The following ANTXR1 variants were observed in gnomAD, a reference collection of about 807,000 sequenced individuals.
The protein encoded by ANTXR1 is anthrax toxin receptor 1.
ANTXR1 carries 19 observed loss-of-function variants against 78.1 expected under a neutral mutation model. The observed-to-expected ratio is 0.24, with a 90% confidence interval of 0.17 to 0.36. The LOEUF is 0.36. ANTXR1 is among the 10% of genes least tolerant of loss of function. The pLI, the probability that ANTXR1 is intolerant of heterozygous loss-of-function variation, is 1.00. For missense variants in ANTXR1, 518 were observed against 718.6 expected, an observed-to-expected ratio of 0.72 and a Z score of 3.19; for synonymous variants, 273 against 260.5, an observed-to-expected ratio of 1.05 and a Z score of -0.46.
intron 17 of ANTXR1, among the ~76,000 whole-genome samples, chr2:69,240,057 T>C (rs965946811): frequency 2.0e-5 from 3 of 152,250 alleles, no homozygotes; most frequent in African/African-American, 4.8e-5. Context: ...ACCTAGGAGA[T>C]GTCCAAGGAG....
At chr2:69,029,061 AC>A (rs1408765026) in intron 1 of ANTXR1, among the ~76,000 whole-genome samples, 1 of 142,182 alleles carries the variant, frequency 7.0e-6, no homozygotes, top group African/African-American at 2.5e-5. Flanking sequence ...CTCCATCTCT[AC>A]TAAAAATACA....
intron 1 of ANTXR1, among the ~76,000 whole-genome samples, chr2:69,023,379 T>C (rs77105585): frequency 0.15 from 22,167 of 151,754 alleles, 4,689 homozygotes; most frequent in African/African-American, 0.47. Context: ...GTGATGAAGA[T>C]GATGATGGTG....
At chr2:69,146,780 A>G (rs555950083) in intron 12 of ANTXR1, among the ~76,000 whole-genome samples, 1 of 152,338 alleles carries the variant, frequency 6.6e-6, no homozygotes, top group African/African-American at 2.4e-5. Flanking sequence ...CTGGGCAGGC[A>G]CAACTCCGCG....
intron 10 of ANTXR1, among the ~76,000 whole-genome samples, chr2:69,118,026 T>C (rs1672208486): frequency 6.6e-6 from 1 of 152,184 alleles, no homozygotes; most frequent in Non-Finnish European, 1.5e-5. Flanking sequence ...TATAGACAGA[T>C]GCCTTGGGTA....
At chr2:69,187,564 C>A (rs1674448577) in intron 16 of ANTXR1, among the ~76,000 whole-genome samples, 1 of 148,062 alleles carries the variant, frequency 6.8e-6, no homozygotes, top group South Asian at 2.1e-4. Flanking sequence ...AAAGCTGGGT[C>A]ACACTATTTA....
intron 8 of ANTXR1, among the ~76,000 whole-genome samples, chr2:69,084,591 G>GTTTTT (rs10708895): frequency 9.2e-6 from 1 of 109,130 alleles, no homozygotes; most frequent in Non-Finnish European, 1.8e-5. Flanking sequence ...TATTTGTAAA[G>GTTTTT]TTTTTTTTTT....
intron 13 of ANTXR1, 66 bp from the exon 14 acceptor site, chr2:69,170,182 A>C (rs1673941722): frequency 1.3e-6 from 2 of 1,577,944 alleles, no homozygotes; most frequent in East Asian, 4.5e-5. Context: ...ACCTCCTGAC[A>C]GCAAGCCTCT....
intron 12 of ANTXR1, among the ~76,000 whole-genome samples, chr2:69,128,361 T>C (rs1039871431): frequency 2.0e-5 from 3 of 152,230 alleles, no homozygotes; most frequent in East Asian, 3.8e-4. Flanking sequence ...GCAGAAGACC[T>C]AGCAGGTAGT....
At chr2:69,175,693 G>A (rs1476774872) in intron 14 of ANTXR1, among the ~76,000 whole-genome samples, 1 of 152,178 alleles carries the variant, frequency 6.6e-6, no homozygotes, top group African/African-American at 2.4e-5. Context: ...GGGGGCGGGT[G>A]AGAGTGGGAA....
At chr2:69,188,891 G>A (rs1674487530) in intron 16 of ANTXR1, among the ~76,000 whole-genome samples, 1 of 152,184 alleles carries the variant, frequency 6.6e-6, no homozygotes, top group Non-Finnish European at 1.5e-5. Flanking sequence ...TGTTATTAAC[G>A]AGCCCACTAC....
intron 9 of ANTXR1, among the ~76,000 whole-genome samples, chr2:69,102,109 A>G (rs1251746308): frequency 6.6e-6 from 1 of 152,270 alleles, no homozygotes; most frequent in African/African-American, 2.4e-5. Flanking sequence ...TATCAATTCA[A>G]GTAGGTAGTG....
At chr2:69,091,025 G>T (rs375589790) in intron 9 of ANTXR1, 106 bp downstream of exon 9, 2 of 1,187,176 alleles carry the variant, frequency 1.7e-6, no homozygotes, top group Non-Finnish European at 2.5e-6. Flanking sequence ...GGAACAGGAA[G>T]GGGTAGGGTG....
intron 16 of ANTXR1, among the ~76,000 whole-genome samples, chr2:69,185,677 C>T (rs145189739): frequency 6.6e-6 from 1 of 152,262 alleles, no homozygotes; most frequent in East Asian, 1.9e-4. Flanking sequence ...CATGATTGCA[C>T]TGCGGTGATT....
intron 13 of ANTXR1, among the ~76,000 whole-genome samples, chr2:69,163,996 C>A (rs1466604050): frequency 6.6e-6 from 1 of 152,202 alleles, no homozygotes; most frequent in African/African-American, 2.4e-5. Context: ...GATTTTAATG[C>A]CCTGTTTAAC....
At chr2:69,132,265 T>C (rs950515466) in intron 12 of ANTXR1, among the ~76,000 whole-genome samples, 3 of 152,178 alleles carry the variant, frequency 2.0e-5, no homozygotes, top group Non-Finnish European at 4.4e-5. Flanking sequence ...CAGAAGAGGA[T>C]GTGCTGGAGC....
chr2:69,043,821 C>T (rs765308607), intron 2 of ANTXR1, among the ~76,000 whole-genome samples: 20 of 152,066 alleles, frequency 1.3e-4, no homozygotes, highest in Non-Finnish European at 1.9e-4. Flanking sequence ...AGTGGTCAGA[C>T]GATTGAGGCC....
At chr2:69,039,793 T>G (rs1014036766) in intron 1 of ANTXR1, among the ~76,000 whole-genome samples, 2 of 152,042 alleles carry the variant, frequency 1.3e-5, no homozygotes, top group Non-Finnish European at 2.9e-5. Flanking sequence ...TTGTTGTTTT[T>G]CAGGGTTTGG....
intron 8 of ANTXR1, among the ~76,000 whole-genome samples, chr2:69,080,365 A>G (rs550561864): frequency 6.6e-6 from 1 of 152,252 alleles, no homozygotes; most frequent in African/African-American, 2.4e-5. Flanking sequence ...TGTTCCCATG[A>G]ATGTTGTTTT....
At chr2:69,120,699 A>C (rs12475838) in intron 10 of ANTXR1, among the ~76,000 whole-genome samples, 27,102 of 151,878 alleles carry the variant, frequency 0.18, 2,916 homozygotes, top group African/African-American at 0.3. Context: ...AATAATGCTC[A>C]ATTTAGGTAC....
Sources: allele counts gnomAD v4.1 joint callset (sites outside exome capture counted in the v4.1 genomes callset), GRCh38; gene constraint gnomAD v4.1.1; transcripts MANE v1.5; gene names NCBI Gene and HGNC (gene_info 2026-07-23, HGNC 2026-07-21).